The following PCDH7 variants were observed in gnomAD, a reference collection of about 807,000 sequenced individuals.
PCDH7 encodes protocadherin 7, also known as protocadherin-7.
PCDH7 carries 17 observed loss-of-function variants against 58.9 expected under a neutral mutation model. The observed-to-expected ratio is 0.29, with a 90% CI of 0.20 to 0.43. PCDH7 has a LOEUF of 0.43. PCDH7 is among the 20% of genes least tolerant of loss of function. The pLI, the probability that PCDH7 is intolerant of heterozygous loss-of-function variation, is 1.00. For synonymous variants in PCDH7, 664 were observed against 616.4 expected (o/e 1.08, Z -1.14); for missense variants, 1,274 against 1,441.0 (o/e 0.88, Z 1.88).
At chr4:30,889,192 T>A (rs994653549) in intron 1 of PCDH7, among the ~76,000 whole-genome samples, 3 of 151,116 alleles carry the variant, frequency 2.0e-5, no homozygotes, top group Non-Finnish European at 4.4e-5. Context: ...TTTAGAACTC[T>A]TCTTTAAGTT....
At chr4:31,014,180 C>CA (rs549655280) in intron 3 of PCDH7, among the ~76,000 whole-genome samples, 4 of 151,378 alleles carry the variant, frequency 2.6e-5, no homozygotes, top group Admixed American at 2.0e-4. Flanking sequence ...AATTATACAG[C>CA]AAAAATCTAC....
chr4:31,124,774 A>G (rs1489269930), intron 3 of PCDH7, among the ~76,000 whole-genome samples: 1 of 152,202 alleles, frequency 6.6e-6, no homozygotes, highest in African/African-American at 2.4e-5. Context: ...ATTCTTTTCC[A>G]ATAGAAGAAA....
intron 3 of PCDH7, among the ~76,000 whole-genome samples, chr4:30,950,464 A>G (rs950983747): frequency 6.6e-6 from 1 of 152,202 alleles, no homozygotes; most frequent in Non-Finnish European, 1.5e-5. Context: ...GTTGCTATGC[A>G]GTTTCCTCAA....
chr4:30,745,070 C>G (rs1717589601), intron 1 of PCDH7, among the ~76,000 whole-genome samples: 1 of 151,874 alleles, frequency 6.6e-6, no homozygotes, highest in African/African-American at 2.4e-5. Flanking sequence ...TGCTGTGAAG[C>G]GATTTCCAAA....
At chr4:30,956,459 C>T (rs766264147) in intron 3 of PCDH7, among the ~76,000 whole-genome samples, 1 of 152,168 alleles carries the variant, frequency 6.6e-6, no homozygotes, top group Non-Finnish European at 1.5e-5. Flanking sequence ...GGAAAAGTTA[C>T]TAATTCTCAT....
At chr4:30,843,063 T>C (rs79967232) in intron 1 of PCDH7, among the ~76,000 whole-genome samples, 1 of 144,894 alleles carries the variant, frequency 6.9e-6, no homozygotes, top group South Asian at 2.2e-4. Flanking sequence ...ACAAATGACT[T>C]TTTTTTTTTT....
chr4:30,924,747 G>A (rs773542394), intron 2 of PCDH7, among the ~76,000 whole-genome samples: 27 of 150,862 alleles, frequency 1.8e-4, no homozygotes, highest in Non-Finnish European at 3.5e-4. Flanking sequence ...TTATGATTAA[G>A]ACATTTCACA....
intron 1 of PCDH7, among the ~76,000 whole-genome samples, chr4:30,784,756 AG>A (rs1278147876): frequency 6.6e-6 from 1 of 152,082 alleles, no homozygotes; most frequent in Non-Finnish European, 1.5e-5. Context: ...ATGAAATTTT[AG>A]GTTGTTAGAC....
chr4:30,885,994 C>T (rs1256496236), intron 1 of PCDH7, among the ~76,000 whole-genome samples: 9 of 151,394 alleles, frequency 5.9e-5, no homozygotes, highest in African/African-American at 1.7e-4. Context: ...AAGACTTAAA[C>T]GTTAGACCTA....
intron 3 of PCDH7, among the ~76,000 whole-genome samples, chr4:31,139,464 T>C (rs1719996120): frequency 6.6e-6 from 1 of 152,168 alleles, no homozygotes; most frequent in South Asian, 2.1e-4. Context: ...GAGTTACTAA[T>C]TGTGAAAGGC....
intron 3 of PCDH7, among the ~76,000 whole-genome samples, chr4:30,964,058 T>G (rs1748741201): frequency 6.6e-6 from 1 of 152,182 alleles, no homozygotes. Flanking sequence ...TTGCATTGTC[T>G]ATTGGCATTG....
chr4:31,092,411 G>A (rs1014095240), intron 3 of PCDH7, among the ~76,000 whole-genome samples: 3 of 151,944 alleles, frequency 2.0e-5, no homozygotes, highest in African/African-American at 4.8e-5. Context: ...ATTCTCCAGA[G>A]AGAATGGGTT....
At chr4:30,785,927 G>T (rs6811850) in intron 1 of PCDH7, among the ~76,000 whole-genome samples, 54,084 of 151,718 alleles carry the variant, frequency 0.36, 10,418 homozygotes, top group African/African-American at 0.49. Context: ...TACCACCATC[G>T]AATTGGAAAA....
At position 30,911,705 on chromosome 4, in the gene PCDH7, G is replaced by C. The variant is rs529219557; in HGVS notation, c.71-8448G>C. Among the ~76,000 whole-genome samples the C allele has an allele frequency of 2.0e-5, 3 of 151,984 alleles. No individual in the cohort carries two copies. In the East Asian group the frequency reaches 5.8e-4, roughly 29 times the overall value. ...TTTTCATTAGTGGCGGAAAAAACCC[G>C]AGAAGCTGACTTGCACTTTTAGGCT... On this transcript the variant is annotated intron_variant, in intron 1 of 3. Transcript: ENST00000509759.
intron 1 of PCDH7, among the ~76,000 whole-genome samples, chr4:30,773,884 A>G (rs569421721): frequency 2.0e-5 from 3 of 152,282 alleles, no homozygotes; most frequent in Non-Finnish European, 2.9e-5. Flanking sequence ...GGGACAAGCT[A>G]GATGGGAGTG....
chr4:31,009,598 A>G (rs1162724703), intron 3 of PCDH7, among the ~76,000 whole-genome samples: 1 of 151,914 alleles, frequency 6.6e-6, no homozygotes, highest in Non-Finnish European at 1.5e-5. Context: ...TATGTCATTA[A>G]TTTTCAACTG....
intron 3 of PCDH7, among the ~76,000 whole-genome samples, chr4:30,973,570 G>A (rs183737560): frequency 9.2e-5 from 14 of 152,248 alleles, no homozygotes; most frequent in African/African-American, 3.1e-4. Flanking sequence ...TAAGATTACT[G>A]AATCCATTAA....
chr4:30,745,224 C>T (rs1040504485), intron 1 of PCDH7, among the ~76,000 whole-genome samples: 5 of 148,810 alleles, frequency 3.4e-5, no homozygotes, highest in African/African-American at 1.2e-4. Context: ...AAAACAGTCA[C>T]GTAATCTCAT....
At chr4:30,975,084 G>A (rs548525362) in intron 3 of PCDH7, among the ~76,000 whole-genome samples, 17 of 151,370 alleles carry the variant, frequency 1.1e-4, no homozygotes, top group Non-Finnish European at 2.2e-4. Context: ...CCCCTGAGGA[G>A]GAGAGAGACA....
Sources: allele counts gnomAD v4.1 joint callset (sites outside exome capture counted in the v4.1 genomes callset), GRCh38; gene constraint gnomAD v4.1.1; transcripts MANE v1.5; gene names NCBI Gene and HGNC (gene_info 2026-07-23, HGNC 2026-07-21).